Variants in GPAM observed in about 807,000 individuals in gnomAD.
The protein encoded by GPAM is glycerol-3-phosphate acyltransferase, mitochondrial.
A neutral mutation model predicts 105.0 loss-of-function variants in GPAM; 56 were observed. That is an observed-to-expected ratio of 0.53 (90% confidence interval 0.43 to 0.67). The LOEUF is 0.67. Among genes scored for constraint, GPAM ranks in the 30% least tolerant of loss-of-function variants. The pLI is 0.00. For missense variants in GPAM, 855 were observed against 989.8 expected, an observed-to-expected ratio of 0.86 and a Z score of 1.83; for synonymous variants, 368 against 354.4, an observed-to-expected ratio of 1.04 and a Z score of -0.43.
chr10:112,224,643 C>A, the GPAM span, among the ~76,000 whole-genome samples: 1 of 152,058 alleles, frequency 6.6e-6, no homozygotes, highest in Non-Finnish European at 1.5e-5. Flanking sequence ...GGGAAGGCAA[C>A]CTTGACATTT....
At chr10:112,192,274 G>T (rs1399905333) in intron 1 of GPAM, among the ~76,000 whole-genome samples, 1 of 152,218 alleles carries the variant, frequency 6.6e-6, no homozygotes, top group Admixed American at 6.5e-5. Flanking sequence ...AAGACACAGG[G>T]ATGAAGAAGG....
chr10:112,218,428 C>T (rs1424206539), upstream of GPAM, among the ~76,000 whole-genome samples: 1 of 152,100 alleles, frequency 6.6e-6, no homozygotes, highest in Admixed American at 6.5e-5. Context: ...TTTATCCAAA[C>T]CCTTGAGGTC....
At chr10:112,196,225 A>T (rs1847722477) in intron 1 of GPAM, among the ~76,000 whole-genome samples, 1 of 152,210 alleles carries the variant, frequency 6.6e-6, no homozygotes, top group South Asian at 2.1e-4. Flanking sequence ...AATAGGAAAG[A>T]ATTTTCATGA....
At chr10:112,165,056 G>A (rs1472113635) in intron 12 of GPAM, among the ~76,000 whole-genome samples, 2 of 152,074 alleles carry the variant, frequency 1.3e-5, no homozygotes, top group African/African-American at 4.8e-5. Flanking sequence ...AAAAAATAAA[G>A]AGAAAGAAAG....
intron 6 of GPAM, among the ~76,000 whole-genome samples, 165 bp from the exon 7 acceptor site, chr10:112,174,010 A>G (rs1847359497): frequency 2.0e-5 from 3 of 152,018 alleles, no homozygotes; most frequent in Admixed American, 6.5e-5. Flanking sequence ...CTTTCTGGCT[A>G]TCTATTAAAT....
chr10:112,154,881 C>T (rs1457184167), intron 20 of GPAM, 194 bp from the exon 21 acceptor site: 9 of 649,304 alleles, frequency 1.4e-5, no homozygotes, highest in Non-Finnish European at 1.9e-5. Flanking sequence ...ACTTTGCTTA[C>T]ACCTACTTTG....
chr10:112,178,431 T>C (rs993169827), intron 4 of GPAM, among the ~76,000 whole-genome samples: 1 of 151,988 alleles, frequency 6.6e-6, no homozygotes, highest in African/African-American at 2.4e-5. Flanking sequence ...GTGCCTGTAA[T>C]CCCAGCTACT....
intron 1 of GPAM, among the ~76,000 whole-genome samples, chr10:112,197,660 C>G (rs1847741041): frequency 7.6e-6 from 1 of 131,736 alleles, no homozygotes; most frequent in Non-Finnish European, 1.6e-5. Context: ...ACAACAGTCC[C>G]CAGAGTGTGA....
intron 14 of GPAM, among the ~76,000 whole-genome samples, chr10:112,163,470 TACA>T (rs1185464047): frequency 5.9e-5 from 9 of 152,316 alleles, no homozygotes; most frequent in East Asian, 5.8e-4. Flanking sequence ...TTTTAAAAAG[TACA>T]ACAACTACCA....
rs1052023741 is a variant in GPAM, at chr10:112,153,382, G to A, written c.*168C>T. On this transcript the variant is annotated 3_prime_UTR_variant, in exon 22 of 22. Transcript: ENST00000348367. ...CAGGCTGCTGTGTTGATGCAGAGCT[G>A]GGAAGATCACAGATCCATGGAGGGA... The A allele has an allele frequency of 6.4e-7, 1 of 1,563,932 alleles. No individual in the cohort carries two copies. The highest frequency in any genetic ancestry group is 1.3e-5 in the African/African-American group (1 of 74,124).
intron 1 of GPAM, among the ~76,000 whole-genome samples, chr10:112,207,554 C>T (rs904738048): frequency 4.6e-5 from 7 of 152,110 alleles, no homozygotes; most frequent in Non-Finnish European, 1.0e-4. Context: ...AATGATCAAG[C>T]CAAATGAATT....
intron 13 of GPAM, 89 bp from the exon 14 acceptor site, chr10:112,163,905 T>C (rs1372903291): frequency 1.4e-6 from 1 of 718,302 alleles, no homozygotes; most frequent in Non-Finnish European, 2.6e-6. Context: ...TTAGATACTT[T>C]AAATTACTAT....
At chr10:112,158,067 A>C (rs1295992283) in intron 18 of GPAM, among the ~76,000 whole-genome samples, 1 of 152,166 alleles carries the variant, frequency 6.6e-6, no homozygotes, top group East Asian at 1.9e-4. Flanking sequence ...AGTAGCTGGG[A>C]TTACAGGTGT....
chr10:112,216,887 G>C (rs780507515), upstream of GPAM, among the ~76,000 whole-genome samples: 1 of 150,932 alleles, frequency 6.6e-6, no homozygotes, highest in Non-Finnish European at 1.5e-5. Flanking sequence ...GCCTCCCAAA[G>C]TGCTGGGATT....
chr10:112,157,418 T>C, intron 18 of GPAM, 29 bp from the exon 19 acceptor site: 1 of 1,609,624 alleles, frequency 6.2e-7, no homozygotes, highest in Non-Finnish European at 8.5e-7. Flanking sequence ...GGATAGTAAA[T>C]AAATATGCAC....
chr10:112,174,057 G>T (rs1847360452), intron 6 of GPAM, among the ~76,000 whole-genome samples: 1 of 152,106 alleles, frequency 6.6e-6, no homozygotes, highest in Non-Finnish European at 1.5e-5. Flanking sequence ...ATGAATCTCT[G>T]AGGAATCTGG....
At chr10:112,195,828 C>T (rs769775693) in intron 1 of GPAM, among the ~76,000 whole-genome samples, 5 of 152,216 alleles carry the variant, frequency 3.3e-5, no homozygotes, top group Admixed American at 6.5e-5. Context: ...GAGTCCTGAA[C>T]AAGGATAGCC....
chr10:112,150,101 G>C lies in GPAM; in HGVS notation c.*3449C>G. The C allele has an allele frequency of 1.0e-6, 1 of 982,912 alleles. No individual in the cohort carries two copies. The highest frequency in any genetic ancestry group is 4.7e-5 in the South Asian group (1 of 21,220). The allele number at this position is 982,912 out of a possible 1,614,324, so 60.9% of individuals were successfully genotyped here. On this transcript the variant is annotated 3_prime_UTR_variant, in exon 22 of 22. Coordinates refer to ENST00000348367, the MANE Select transcript of GPAM (RefSeq NM_001244949.2). ...CAGAGCTCTAGACGTTTAGAAATAA[G>C]GTCAAGAATCTCTTTCAAATGCAAT...
At chr10:112,200,215 T>A (rs1847779087) in intron 1 of GPAM, among the ~76,000 whole-genome samples, 2 of 120,542 alleles carry the variant, frequency 1.7e-5, no homozygotes, top group East Asian at 2.6e-4. Flanking sequence ...TATATTTCAG[T>A]CCACACTATA....
Sources: gnomAD v4.1 joint callset for allele counts (sites outside exome capture counted in the v4.1 genomes callset) on GRCh38, gnomAD v4.1.1 for gene constraint, MANE v1.5 for transcripts, NCBI Gene and HGNC (gene_info 2026-07-23, HGNC 2026-07-21) for gene names.